The following PLXNA4 variants were observed in gnomAD, a reference collection of about 807,000 sequenced individuals.
PLXNA4 encodes the protein plexin A4.
PLXNA4 carries 44 observed loss-of-function variants against 191.8 expected under a neutral mutation model. That is an observed-to-expected ratio of 0.23 (90% CI 0.18 to 0.29). PLXNA4 has a LOEUF of 0.29. Ranked by LOEUF, PLXNA4 falls within the 10% of genes least tolerant of loss-of-function variation. PLXNA4 has a pLI of 1.00. For synonymous variants in PLXNA4, 1,082 were observed against 1,009.5 expected (o/e 1.07, Z -1.36); for missense variants, 1,800 against 2,488.8 (o/e 0.72, Z 5.89).
At chr7:132,330,248 T>C (rs1044123918) in intron 3 of PLXNA4, among the ~76,000 whole-genome samples, 29 of 152,092 alleles carry the variant, frequency 1.9e-4, no homozygotes, top group African/African-American at 7.0e-4. Context: ...AGGGACATGG[T>C]GGGAAGAAGG....
intron 7 of PLXNA4, 114 bp from the exon 8 acceptor site, chr7:132,226,374 T>A: frequency 3.6e-6 from 3 of 836,732 alleles, no homozygotes; most frequent in Non-Finnish European, 3.8e-6. Flanking sequence ...GCTGTTGGCT[T>A]AACAGGGCTC....
At chr7:132,450,178 G>A (rs1173995864) in intron 3 of PLXNA4, among the ~76,000 whole-genome samples, 1 of 152,194 alleles carries the variant, frequency 6.6e-6, no homozygotes, top group Non-Finnish European at 1.5e-5. Context: ...TAGGAGAGAT[G>A]GGATCGGGAT....
chr7:132,444,672 G>A (rs999024146), intron 3 of PLXNA4, among the ~76,000 whole-genome samples: 1 of 152,198 alleles, frequency 6.6e-6, no homozygotes, highest in African/African-American at 2.4e-5. Flanking sequence ...GTTAAGGTGT[G>A]TGTGTTGGTG....
At chr7:132,591,170 C>A (rs1802597801) in intron 2 of PLXNA4, among the ~76,000 whole-genome samples, 1 of 152,144 alleles carries the variant, frequency 6.6e-6, no homozygotes, top group Non-Finnish European at 1.5e-5. Context: ...CAGATGCAAT[C>A]AACATGGAGA....
At chr7:132,410,087 T>C (rs1347378703) in intron 3 of PLXNA4, among the ~76,000 whole-genome samples, 1 of 152,226 alleles carries the variant, frequency 6.6e-6, no homozygotes, top group African/African-American at 2.4e-5. Context: ...AGGAGGAATT[T>C]AGGCTTGGAT....
intron 3 of PLXNA4, among the ~76,000 whole-genome samples, chr7:132,353,463 T>A (rs56845866): frequency 0.017 from 2,552 of 151,994 alleles, 76 homozygotes; most frequent in African/African-American, 0.058. Flanking sequence ...TATATATATA[T>A]GTTGGAAAAG....
intron 2 of PLXNA4, among the ~76,000 whole-genome samples, chr7:132,599,643 A>G (rs2116838316): frequency 6.6e-6 from 1 of 151,532 alleles, no homozygotes; most frequent in South Asian, 2.1e-4. Context: ...GCAAACAATA[A>G]CACTTTGATC....
At chr7:132,477,672 A>G (rs897298564) in intron 3 of PLXNA4, among the ~76,000 whole-genome samples, 7 of 152,174 alleles carry the variant, frequency 4.6e-5, no homozygotes, top group African/African-American at 1.7e-4. Context: ...TTTATTCAGC[A>G]TTTGTTACCT....
At chr7:132,539,892 T>G (rs934209773) in intron 1 of PLXNA4, among the ~76,000 whole-genome samples, 5 of 152,200 alleles carry the variant, frequency 3.3e-5, no homozygotes, top group African/African-American at 1.2e-4. Flanking sequence ...ATCAAAGATA[T>G]CTTAATAGCC....
chr7:132,372,335 G>C (rs886644188), intron 3 of PLXNA4, among the ~76,000 whole-genome samples: 15 of 152,252 alleles, frequency 9.9e-5, no homozygotes, highest in African/African-American at 3.6e-4. Context: ...AGAATAAACT[G>C]TATACCATTC....
intron 1 of PLXNA4, among the ~76,000 whole-genome samples, chr7:132,538,317 G>T (rs1240960889): frequency 6.6e-6 from 1 of 152,204 alleles, no homozygotes; most frequent in Non-Finnish European, 1.5e-5. Flanking sequence ...CAGCACAAAT[G>T]CACCGGCAAG....
intron 2 of PLXNA4, among the ~76,000 whole-genome samples, chr7:132,607,606 T>C (rs758052239): frequency 6.6e-5 from 10 of 152,264 alleles, no homozygotes; most frequent in Non-Finnish European, 1.3e-4. Flanking sequence ...CAATGATCAC[T>C]GTGTAAAGAA....
At chr7:132,646,614 G>A (rs1386327646) in intron 1 of PLXNA4, among the ~76,000 whole-genome samples, 5 of 152,118 alleles carry the variant, frequency 3.3e-5, no homozygotes, top group Admixed American at 2.6e-4. Flanking sequence ...GCCCTCACCA[G>A]GAACCAATCC....
intron 1 of PLXNA4, among the ~76,000 whole-genome samples, chr7:132,560,077 C>T (rs1800972045): frequency 6.6e-6 from 1 of 152,184 alleles, no homozygotes; most frequent in Admixed American, 6.5e-5. Context: ...CAGACTTTGT[C>T]CTACCTCCCA....
chr7:132,225,622 C>A (rs1224573727), intron 8 of PLXNA4, among the ~76,000 whole-genome samples: 2 of 150,612 alleles, frequency 1.3e-5, no homozygotes, highest in Non-Finnish European at 2.9e-5. Context: ...GTCCGCCCCC[C>A]CCCACAGCTT....
At chr7:132,335,971 G>A (rs1210107566) in intron 3 of PLXNA4, among the ~76,000 whole-genome samples, 2 of 152,236 alleles carry the variant, frequency 1.3e-5, no homozygotes, top group Non-Finnish European at 2.9e-5. Flanking sequence ...TGCTGAGAAT[G>A]AAGGAACCAT....
At chr7:132,266,498 T>C (rs1334806232) in intron 4 of PLXNA4, 1 of 152,262 alleles carries the variant, frequency 6.6e-6, no homozygotes, top group African/African-American at 2.4e-5. Flanking sequence ...ACTCATCAAA[T>C]GTTTGGAAAC....
intron 4 of PLXNA4, among the ~76,000 whole-genome samples, chr7:132,266,043 T>A (rs11980167): frequency 0.012 from 1,870 of 152,236 alleles, 33 homozygotes; most frequent in African/African-American, 0.042. Context: ...TCAGCAGACA[T>A]CAAATCCCAT....
chr7:132,583,204 A>C (rs1802439678), intron 2 of PLXNA4, among the ~76,000 whole-genome samples: 1 of 152,060 alleles, frequency 6.6e-6, no homozygotes, highest in African/African-American at 2.4e-5. Context: ...AGCCTTTTGG[A>C]GGTGAGGTTG....
Sources: gnomAD v4.1 joint callset for allele counts (sites outside exome capture counted in the v4.1 genomes callset) on GRCh38, gnomAD v4.1.1 for gene constraint, MANE v1.5 for transcripts, NCBI Gene and HGNC (gene_info 2026-07-23, HGNC 2026-07-21) for gene names.